Variants in CACNA2D1 observed in about 807,000 individuals in gnomAD.
The protein encoded by CACNA2D1 is calcium voltage-gated channel auxiliary subunit alpha2delta 1.
Under a neutral mutation model 171.5 loss-of-function variants are expected in CACNA2D1, and 53 were observed. That is an observed-to-expected ratio of 0.31 (90% CI 0.25 to 0.39). The LOEUF (loss-of-function observed/expected upper bound fraction) is 0.39, where lower values mean the gene tolerates loss of function less well. Ranked by LOEUF, CACNA2D1 falls within the 10% of genes least tolerant of loss-of-function variation. CACNA2D1 has a pLI of 1.00. For missense variants in CACNA2D1, 903 were observed against 1,299.8 expected, an observed-to-expected ratio of 0.69 and a Z score of 4.69; for synonymous variants, 442 against 443.1, an observed-to-expected ratio of 1.00 and a Z score of 0.03.
chr7:81,982,464 A>G, intron 24 of CACNA2D1, 103 bp downstream of exon 24: 1 of 748,248 alleles, frequency 1.3e-6, no homozygotes, highest in East Asian at 2.5e-5. Context: ...TGATTCCATA[A>G]TGTGATATGG....
chr7:82,393,716 C>T (rs1055363740), intron 1 of CACNA2D1, among the ~76,000 whole-genome samples: 2 of 152,070 alleles, frequency 1.3e-5, no homozygotes, highest in Admixed American at 6.6e-5. Context: ...TCATTTGCAT[C>T]TTTATGATAT....
chr7:82,145,354 T>C (rs1289740004), intron 4 of CACNA2D1, among the ~76,000 whole-genome samples: 1 of 144,812 alleles, frequency 6.9e-6, no homozygotes, highest in Non-Finnish European at 1.5e-5. Context: ...AATTTATATA[T>C]TATATATTAC....
intron 3 of CACNA2D1, among the ~76,000 whole-genome samples, chr7:82,320,791 T>C (rs1815717184): frequency 6.6e-6 from 1 of 151,960 alleles, no homozygotes; most frequent in Non-Finnish European, 1.5e-5. Flanking sequence ...CTCATATATG[T>C]GTAAAGATGT....
At chr7:82,088,074 A>T (rs1032165437) in intron 6 of CACNA2D1, among the ~76,000 whole-genome samples, 1 of 152,034 alleles carries the variant, frequency 6.6e-6, no homozygotes, top group Non-Finnish European at 1.5e-5. Flanking sequence ...GAGTTTATTT[A>T]GGAAGTTTTT....
chr7:82,400,645 G>A (rs2129451732), intron 1 of CACNA2D1, among the ~76,000 whole-genome samples: 1 of 152,190 alleles, frequency 6.6e-6, no homozygotes, highest in African/African-American at 2.4e-5. Flanking sequence ...ACAGGCATGG[G>A]CAAGGACTTC....
At chr7:82,060,075 A>AT (rs1311953067) in intron 10 of CACNA2D1, among the ~76,000 whole-genome samples, 1 of 104,994 alleles carries the variant, frequency 9.5e-6, no homozygotes, top group Non-Finnish European at 1.9e-5. Context: ...GCAGCACAGC[A>AT]ACATGGCACA....
intron 18 of CACNA2D1, among the ~76,000 whole-genome samples, chr7:82,000,025 C>T (rs1309921519): frequency 6.6e-6 from 1 of 152,016 alleles, no homozygotes; most frequent in East Asian, 1.9e-4. Context: ...CTTTGGGAGG[C>T]CAAGGCAGGT....
chr7:82,393,147 GAGGC>G (rs1563483633), intron 1 of CACNA2D1, among the ~76,000 whole-genome samples: 3 of 140,804 alleles, frequency 2.1e-5, no homozygotes, highest in East Asian at 2.3e-4. Context: ...GGAAGGGAGG[GAGGC>G]AGGCAGGGAG....
At chr7:82,173,013 C>T (rs1222780408) in intron 3 of CACNA2D1, among the ~76,000 whole-genome samples, 1 of 152,020 alleles carries the variant, frequency 6.6e-6, no homozygotes, top group Non-Finnish European at 1.5e-5. Flanking sequence ...AGTGAGCATT[C>T]ACCCACAGGG....
At chr7:81,999,577 T>C (rs1482076623) in intron 18 of CACNA2D1, among the ~76,000 whole-genome samples, 1 of 152,220 alleles carries the variant, frequency 6.6e-6, no homozygotes, top group African/African-American at 2.4e-5. Flanking sequence ...CTTGTGTGGT[T>C]GCTAGTTTGC....
chr7:82,320,578 AT>A (rs1187859762), intron 3 of CACNA2D1, among the ~76,000 whole-genome samples: 33,763 of 128,598 alleles, frequency 0.26, 3,704 homozygotes, highest in Non-Finnish European at 0.31. Context: ...CACTTGGCTA[AT>A]TTTTTTTTTT....
At chr7:82,096,854 C>A (rs1811939584) in intron 6 of CACNA2D1, among the ~76,000 whole-genome samples, 1 of 151,784 alleles carries the variant, frequency 6.6e-6, no homozygotes, top group Non-Finnish European at 1.5e-5. Flanking sequence ...CTTCATAAGG[C>A]TCTTAAAATT....
chr7:82,126,997 C>T (rs929381), intron 5 of CACNA2D1, among the ~76,000 whole-genome samples: 6 of 151,986 alleles, frequency 3.9e-5, no homozygotes, highest in East Asian at 1.9e-4. Context: ...GAATATAATA[C>T]GCCTGAGTTC....
intron 6 of CACNA2D1, among the ~76,000 whole-genome samples, chr7:82,094,187 T>C (rs1721320992): frequency 1.3e-5 from 2 of 151,800 alleles, no homozygotes; most frequent in South Asian, 2.1e-4. Flanking sequence ...AAGTCGGCTA[T>C]AATCAAGAAC....
chr7:82,221,891 G>GA (rs1228238326), intron 3 of CACNA2D1, among the ~76,000 whole-genome samples: 2 of 148,896 alleles, frequency 1.3e-5, no homozygotes, highest in African/African-American at 4.9e-5. Flanking sequence ...TTGACATGAA[G>GA]AAAAAAACTC....
intron 3 of CACNA2D1, among the ~76,000 whole-genome samples, chr7:82,277,682 T>C (rs1258231962): frequency 6.6e-6 from 1 of 151,900 alleles, no homozygotes; most frequent in Admixed American, 6.6e-5. Flanking sequence ...CACAAAAATA[T>C]GTTGAGAACA....
chr7:82,099,419 CTTCTTT>C (rs1812354683), intron 6 of CACNA2D1, among the ~76,000 whole-genome samples: 1 of 50,578 alleles, frequency 2.0e-5, no homozygotes, highest in Admixed American at 2.5e-4. Context: ...GTAGCAATAC[CTTCTTT>C]TTTTTTTTTT....
intron 3 of CACNA2D1, among the ~76,000 whole-genome samples, chr7:82,322,282 A>T (rs1203602593): frequency 1.3e-5 from 2 of 151,740 alleles, no homozygotes; most frequent in African/African-American, 4.8e-5. Context: ...TGAAAAGACC[A>T]GAAAACTGAA....
intron 4 of CACNA2D1, among the ~76,000 whole-genome samples, chr7:82,169,588 G>C (rs988793505): frequency 6.6e-6 from 1 of 151,978 alleles, no homozygotes; most frequent in Non-Finnish European, 1.5e-5. Flanking sequence ...ACAAAGAAGT[G>C]CTAATTCTTA....
Sources: gnomAD v4.1 joint callset for allele counts (sites outside exome capture counted in the v4.1 genomes callset) on GRCh38, gnomAD v4.1.1 for gene constraint, MANE v1.5 for transcripts, NCBI Gene and HGNC (gene_info 2026-07-23, HGNC 2026-07-21) for gene names.